Variants in EVA1C observed in about 807,000 individuals in gnomAD.
EVA1C encodes protein eva-1 homolog C.
EVA1C carries 25 observed loss-of-function variants against 45.4 expected under a neutral mutation model. The observed-to-expected ratio is 0.55, with a 90% confidence interval of 0.40 to 0.77. The LOEUF is 0.77. Among genes scored for constraint, EVA1C ranks in the 30% least tolerant of loss-of-function variants. The pLI is 0.00. For synonymous variants in EVA1C, 190 were observed against 221.2 expected, an observed-to-expected ratio of 0.86 and a Z score of 1.25; for missense variants, 479 against 554.8, an observed-to-expected ratio of 0.86 and a Z score of 1.37.
rs1277255772 is a variant in EVA1C, at chr21:32,457,471, T to C, written c.358-126T>C. ...CACCCACGTCTATGCTCTTTGGCCT[T>C]AGACACAGCTTGGCCAGGTGGGGAG... On this transcript the variant is annotated intron_variant, in intron 2 of 7. Coordinates refer to ENST00000300255, the MANE Select transcript of EVA1C (RefSeq NM_058187.5). 4.7e-6 allele frequency: 5 copies of C among 1,074,174 alleles called. No homozygotes were observed. In the African/African-American group the frequency reaches 6.2e-5, roughly 13 times the overall value. 66.5% of individuals were successfully genotyped at this position (1,074,174 alleles called of 1,614,324 possible). A position where few individuals can be genotyped will look rare whatever the true frequency, so the allele number is the denominator to read the frequency against.
Position 32,474,440 on chromosome 21 carries a change from G to A in EVA1C, c.634+6592G>A, listed in dbSNP as rs970708030. Among the ~76,000 whole-genome samples, 2 of 152,158 alleles carry A rather than the reference G, an allele frequency of 1.3e-5. No individual in the cohort carries two copies. Among genetic ancestry groups the A allele is most frequent in the Admixed American group, 1.3e-4 (2 of 15,282 alleles). On this transcript the variant is annotated intron_variant, in intron 4 of 7. Transcript: ENST00000300255. The surrounding 1 kb of genome is among the most constrained non-coding windows in gnomAD (Gnocchi z 4.4). ...CCCCATATCTTGTGTGGCTGGCTTT[G>A]CCACACAAGACATCGACCCAGATGT...
intron 1 of EVA1C, among the ~76,000 whole-genome samples, chr21:32,424,770 G>T (rs896701502): frequency 2.6e-5 from 4 of 152,146 alleles, no homozygotes; most frequent in Non-Finnish European, 5.9e-5. Context: ...CCACTTTCAA[G>T]TGCAAAGGTC....
At chr21:32,465,589 C>A (rs2146294096) in intron 3 of EVA1C, among the ~76,000 whole-genome samples, 1 of 152,214 alleles carries the variant, frequency 6.6e-6, no homozygotes, top group South Asian at 2.1e-4. Flanking sequence ...AAATAAATGA[C>A]CGTGGTCCCC....
intron 6 of EVA1C, among the ~76,000 whole-genome samples, chr21:32,503,256 ATAT>A (rs1267636351): frequency 6.6e-6 from 1 of 152,160 alleles, no homozygotes; most frequent in Non-Finnish European, 1.5e-5. Flanking sequence ...TTAAAGTGAA[ATAT>A]TATTGGCCGG....
intron 3 of EVA1C, among the ~76,000 whole-genome samples, chr21:32,465,210 A>G (rs529489370): frequency 5.9e-5 from 9 of 152,340 alleles, no homozygotes; most frequent in African/African-American, 2.2e-4. Flanking sequence ...ATGAACCTCA[A>G]ATCACAATTT....
chr21:32,494,999 G>C, intron 4 of EVA1C, 28 bp from the exon 5 acceptor site: 1 of 1,611,152 alleles, frequency 6.2e-7, no homozygotes, highest in East Asian at 2.2e-5. Context: ...GATGCAACCT[G>C]AAGTTCTGGG....
chr21:32,461,784 G>T (rs1393038536), intron 3 of EVA1C, among the ~76,000 whole-genome samples: 1 of 152,184 alleles, frequency 6.6e-6, no homozygotes, highest in Non-Finnish European at 1.5e-5. Context: ...TGTGCACTAT[G>T]CTTCCTTCCT....
chr21:32,501,621 G>A, intron 6 of EVA1C, 126 bp downstream of exon 6: 1 of 1,217,440 alleles, frequency 8.2e-7, no homozygotes, highest in Non-Finnish European at 1.1e-6. Flanking sequence ...TGAGGTACCG[G>A]TCCTGGTGAT....
At chr21:32,471,447 TCC>T (rs2036373078) in intron 4 of EVA1C, among the ~76,000 whole-genome samples, 2 of 150,926 alleles carry the variant, frequency 1.3e-5, no homozygotes, top group Non-Finnish European at 2.9e-5. Context: ...TGCCTCAGCC[TCC>T]CAAGTAGCTG....
intron 4 of EVA1C, chr21:32,493,822 C>T (rs1008761156): frequency 2.7e-5 from 4 of 146,274 alleles, no homozygotes; most frequent in Admixed American, 6.8e-5. Context: ...TTATTTGAGA[C>T]GCAGTCTTGC....
chr21:32,467,991 T>C, intron 4 of EVA1C, 143 bp downstream of exon 4: 1 of 452,592 alleles, frequency 2.2e-6, no homozygotes, highest in Non-Finnish European at 3.4e-6. Flanking sequence ...TCGTGTAAGT[T>C]AATACTTAAT....
intron 1 of EVA1C, among the ~76,000 whole-genome samples, chr21:32,437,333 C>T (rs2034997106): frequency 6.6e-6 from 1 of 152,164 alleles, no homozygotes; most frequent in Admixed American, 6.5e-5. Flanking sequence ...CTCTCACACC[C>T]TTCCCCACTG....
chr21:32,504,299 G>T (rs1471621750), intron 7 of EVA1C, among the ~76,000 whole-genome samples: 1 of 152,222 alleles, frequency 6.6e-6, no homozygotes, highest in Non-Finnish European at 1.5e-5. Context: ...CCCGAGGAAT[G>T]CATTTCCCAG....
intron 1 of EVA1C, among the ~76,000 whole-genome samples, chr21:32,426,608 T>C (rs778418301): frequency 7.2e-5 from 11 of 152,208 alleles, no homozygotes; most frequent in Non-Finnish European, 1.6e-4. Context: ...GCTGCTGTTA[T>C]ACACTTATCA....
intron 7 of EVA1C, among the ~76,000 whole-genome samples, chr21:32,510,803 G>A (rs1483416665): frequency 6.6e-6 from 1 of 152,210 alleles, no homozygotes; most frequent in African/African-American, 2.4e-5. Context: ...GGGAGGCCAA[G>A]GCAGGAGGAT....
chr21:32,487,167 C>A (rs1201680997), intron 4 of EVA1C, among the ~76,000 whole-genome samples: 1 of 152,042 alleles, frequency 6.6e-6, no homozygotes, highest in Non-Finnish European at 1.5e-5. Context: ...CCTGAGTTTA[C>A]GTAGATGAAT....
At chr21:32,457,306 G>A (rs1416452686) in intron 2 of EVA1C, among the ~76,000 whole-genome samples, 5 of 152,160 alleles carry the variant, frequency 3.3e-5, no homozygotes, top group Non-Finnish European at 5.9e-5. Flanking sequence ...CTGGAGCCTC[G>A]GCACTCAGTG....
rs754456157 is a variant in EVA1C, at chr21:32,453,462, C to T, written c.311C>T (p.Ser104Phe). The T allele has an allele frequency of 2.5e-6, 4 of 1,611,186 alleles. No homozygotes were observed. The highest frequency in any genetic ancestry group is 1.3e-5 in the African/African-American group (1 of 74,856). Residue 104 changes from serine to phenylalanine, a missense_variant, in exon 2 of 8, where the codon TCC (serine) becomes TTC (phenylalanine). Physicochemically the swap from Ser to Phe is radical, Grantham distance 155 (BLOSUM62 -2). Transcript: ENST00000300255. ...ATGTGTAGTTCCCAGAAGCCTGCCT[C>T]CCAGAGGGAAGACAGCTTAACCTGT... ...YQMCSSQKPASQREDSLTCVA... is the reference protein window; with the variant it reads ...YQMCSSQKPAFQREDSLTCVA...
chr21:32,467,918 ATATCC>A (rs2036235657), intron 4 of EVA1C, 70 bp downstream of exon 4: 10 of 911,908 alleles, frequency 1.1e-5, no homozygotes, highest in East Asian at 1.1e-4. Flanking sequence ...ATATATATAT[ATATCC>A]TATATATATC....
Sources: allele counts gnomAD v4.1 joint callset (sites outside exome capture counted in the v4.1 genomes callset), GRCh38; gene constraint gnomAD v4.1.1; non-coding constraint Gnocchi (gnomAD v3.1); transcripts MANE v1.5; gene names NCBI Gene and HGNC (gene_info 2026-07-23, HGNC 2026-07-21).